The following CLSTN2 variants were observed in gnomAD, a reference collection of about 807,000 sequenced individuals.
The protein encoded by CLSTN2 is calsyntenin 2.
A neutral mutation model predicts 101.2 loss-of-function variants in CLSTN2; 48 were observed. That is an observed-to-expected ratio of 0.47 (90% confidence interval 0.38 to 0.60). The LOEUF (loss-of-function observed/expected upper bound fraction) is 0.60. CLSTN2 is among the 20% of genes least tolerant of loss of function. The pLI is 0.00. For missense variants in CLSTN2, 1,160 were observed against 1,238.2 expected, an observed-to-expected ratio of 0.94 and a Z score of 0.95; for synonymous variants, 481 against 463.6, an observed-to-expected ratio of 1.04 and a Z score of -0.48.
intron 1 of CLSTN2, among the ~76,000 whole-genome samples, chr3:140,069,113 G>C (rs1560085340): frequency 2.0e-5 from 3 of 152,146 alleles, no homozygotes; most frequent in Non-Finnish European, 1.5e-5. Flanking sequence ...CTTCCAAGAG[G>C]AAAATTAAAT....
intron 1 of CLSTN2, among the ~76,000 whole-genome samples, chr3:140,135,087 AACACAC>A (rs780837347): frequency 6.6e-4 from 34 of 51,384 alleles, no homozygotes; most frequent in African/African-American, 1.5e-3. Flanking sequence ...CTCTCAAAAA[AACACAC>A]ACACACACAC....
rs1018308964 is a variant in CLSTN2 at position 140,571,745 on chromosome 3, T to C, written c.*5492T>C. 3 of 152,256 alleles carry C rather than the reference T, an allele frequency of 2.0e-5. No homozygotes were observed. Among genetic ancestry groups the C allele is most frequent in the Non-Finnish European group, 2.9e-5 (2 of 68,052 alleles). 9.4% of individuals were successfully genotyped at this position (152,256 alleles called of 1,614,324 possible). A position where few individuals can be genotyped will look rare whatever the true frequency, so the allele number is the denominator to read the frequency against. ...ATAGATGTATTCTATACCTGCTATG[T>C]AGATAATGCTCTAGTTTTCCCTTTA... On this transcript the variant is annotated 3_prime_UTR_variant, in exon 17 of 17. Transcript: ENST00000458420.
chr3:140,275,358 C>A (rs2107892631), intron 2 of CLSTN2, among the ~76,000 whole-genome samples: 1 of 151,916 alleles, frequency 6.6e-6, no homozygotes, highest in African/African-American at 2.4e-5. Flanking sequence ...CTGCAGACTT[C>A]AACTCCTGGG....
intron 2 of CLSTN2, among the ~76,000 whole-genome samples, chr3:140,348,455 G>A (rs1162458597): frequency 6.6e-6 from 1 of 152,082 alleles, no homozygotes; most frequent in African/African-American, 2.4e-5. Flanking sequence ...CTTGTGTCCA[G>A]GCCAGGGCAG....
intron 8 of CLSTN2, among the ~76,000 whole-genome samples, chr3:140,472,786 T>C (rs1458554133): frequency 6.6e-6 from 1 of 152,234 alleles, no homozygotes; most frequent in Non-Finnish European, 1.5e-5. Flanking sequence ...GGGTGAATAA[T>C]ATATGTATGT....
chr3:140,321,299 G>A (rs928626493), intron 2 of CLSTN2, among the ~76,000 whole-genome samples: 7 of 152,132 alleles, frequency 4.6e-5, no homozygotes, highest in African/African-American at 1.2e-4. Flanking sequence ...AGCCTCCTAA[G>A]CCTGCCTCTG....
chr3:140,044,300 G>A (rs1256120649), intron 1 of CLSTN2, among the ~76,000 whole-genome samples: 1 of 152,146 alleles, frequency 6.6e-6, no homozygotes, highest in Non-Finnish European at 1.5e-5. Flanking sequence ...AATTGTGAAT[G>A]GGAGTTCACT....
chr3:140,185,995 G>T, intron 2 of CLSTN2, among the ~76,000 whole-genome samples: 1 of 152,312 alleles, frequency 6.6e-6, no homozygotes, highest in African/African-American at 2.4e-5. Context: ...GGAAACCAAA[G>T]AGGCCTAGTG....
chr3:140,423,569 C>T (rs1191806415), intron 5 of CLSTN2, among the ~76,000 whole-genome samples: 1 of 152,156 alleles, frequency 6.6e-6, no homozygotes, highest in African/African-American at 2.4e-5. Flanking sequence ...TAGTGGCTTC[C>T]CTGCCTTAGC....
At chr3:140,165,115 CT>C (rs2010114584) in intron 1 of CLSTN2, among the ~76,000 whole-genome samples, 3 of 152,280 alleles carry the variant, frequency 2.0e-5, no homozygotes, top group African/African-American at 7.2e-5. Flanking sequence ...ATCTCATCTT[CT>C]GTGGATATTT....
At chr3:140,199,868 C>T (rs547421370) in intron 2 of CLSTN2, among the ~76,000 whole-genome samples, 12 of 152,324 alleles carry the variant, frequency 7.9e-5, no homozygotes, top group South Asian at 4.1e-4. Context: ...CTTAATTAGA[C>T]TTTAATGACA....
intron 8 of CLSTN2, among the ~76,000 whole-genome samples, chr3:140,518,876 G>T (rs965811595): frequency 6.6e-6 from 1 of 152,162 alleles, no homozygotes; most frequent in African/African-American, 2.4e-5. Flanking sequence ...CTTGTCTTCT[G>T]CTAGCTTTGG....
At chr3:140,280,846 T>G (rs917458607) in intron 2 of CLSTN2, among the ~76,000 whole-genome samples, 2 of 152,298 alleles carry the variant, frequency 1.3e-5, no homozygotes, top group South Asian at 2.1e-4. Flanking sequence ...GCCTGGGACT[T>G]TGTAAAATAA....
intron 5 of CLSTN2, among the ~76,000 whole-genome samples, chr3:140,441,046 C>G (rs2088758259): frequency 6.6e-6 from 1 of 152,240 alleles, no homozygotes; most frequent in South Asian, 2.1e-4. Context: ...CCCCTGCCTC[C>G]TTCCAGCTGA....
chr3:140,362,386 A>T (rs146272352), intron 2 of CLSTN2, among the ~76,000 whole-genome samples: 4 of 152,328 alleles, frequency 2.6e-5, no homozygotes, highest in African/African-American at 7.2e-5. Context: ...GAAAATCTTC[A>T]TGACCTTGTG....
At chr3:139,943,468 G>T (rs143176750) in intron 1 of CLSTN2, among the ~76,000 whole-genome samples, 2 of 152,112 alleles carry the variant, frequency 1.3e-5, no homozygotes, top group African/African-American at 4.8e-5. Flanking sequence ...GGTCTGTAAG[G>T]TTTTTAAGAA....
intron 6 of CLSTN2, chr3:140,452,628 G>T (rs1485912677): frequency 6.6e-6 from 1 of 152,278 alleles, no homozygotes; most frequent in Non-Finnish European, 1.5e-5. Flanking sequence ...CTGGGGAGCT[G>T]GACAGTAGCT....
chr3:140,259,774 T>C (rs906808184), intron 2 of CLSTN2, among the ~76,000 whole-genome samples: 1 of 152,194 alleles, frequency 6.6e-6, no homozygotes, highest in African/African-American at 2.4e-5. Flanking sequence ...GCATCATAAT[T>C]TGGGGATTCA....
chr3:140,463,376 G>C (rs1369682904), intron 7 of CLSTN2, among the ~76,000 whole-genome samples: 1 of 152,222 alleles, frequency 6.6e-6, no homozygotes, highest in Non-Finnish European at 1.5e-5. Flanking sequence ...AGGTGAGAGA[G>C]ATGGAGATGT....
Sources: gnomAD v4.1 joint callset for allele counts (sites outside exome capture counted in the v4.1 genomes callset) on GRCh38, gnomAD v4.1.1 for gene constraint, MANE v1.5 for transcripts, NCBI Gene and HGNC (gene_info 2026-07-23, HGNC 2026-07-21) for gene names.